The following RASGEF1C variants were observed in gnomAD, a reference collection of about 807,000 sequenced individuals.
RASGEF1C encodes the protein ras-GEF domain-containing family member 1C.
A neutral mutation model predicts 58.1 loss-of-function variants in RASGEF1C; 27 were observed. The ratio of observed to expected loss-of-function variants is 0.46; its 90% CI spans 0.34 to 0.64. RASGEF1C has a LOEUF of 0.64. Among genes scored for constraint, RASGEF1C ranks in the 30% least tolerant of loss-of-function variants. RASGEF1C has a pLI of 0.01. For missense variants in RASGEF1C, 502 were observed against 605.1 expected, an observed-to-expected ratio of 0.83 and a Z score of 1.79; for synonymous variants, 243 against 246.3, an observed-to-expected ratio of 0.99 and a Z score of 0.13.
chr5:180,157,488 A>G (rs1177231048), intron 1 of RASGEF1C, among the ~76,000 whole-genome samples: 2 of 152,036 alleles, frequency 1.3e-5, no homozygotes, highest in African/African-American at 2.4e-5. Flanking sequence ...TTAGCCGGGC[A>G]TGGTGGCGCA....
intron 1 of RASGEF1C, among the ~76,000 whole-genome samples, chr5:180,176,260 C>G (rs537760588): frequency 2.8e-4 from 42 of 152,342 alleles, no homozygotes; most frequent in African/African-American, 9.6e-4. Flanking sequence ...CAGGCCTCCC[C>G]ACTCCTGCAG....
Position 180,177,881 on chromosome 5 carries a change from G to A in RASGEF1C, c.-7+31147C>T, listed in dbSNP as rs1443173997. On this transcript the variant is annotated intron_variant, in intron 1 of 13. Transcript: ENST00000361132. This position sits in a 1 kb window ranked among gnomAD's most constrained non-coding sequence, Gnocchi z 5.0. ...CTGGTGGGGGCTTTCTTGTGAAAGG[G>A]GCCCACATGGAGGAAACGGAGCCAA... Among the ~76,000 whole-genome samples the A allele has an allele frequency of 6.6e-6, 1 of 152,154 alleles. No individual in the cohort carries two copies. Among genetic ancestry groups the A allele is most frequent in the Non-Finnish European group, 1.5e-5 (1 of 68,026 alleles).
At position 180,117,943 on chromosome 5, in the gene RASGEF1C, A is replaced by G. The variant is rs544798218; in HGVS notation, c.1083+666T>C. Among the ~76,000 whole-genome samples, 98 of 150,340 alleles carry G rather than the reference A, an allele frequency of 6.5e-4. 1 individual carries two copies. The highest frequency in any genetic ancestry group is 2.3e-3 in the African/African-American group (93 of 40,760). ...CAGGAGGTGGAGGTTGCAGTGAGCC[A>G]AGATTGCACCACTGCACTCCAGCCT... On this transcript the variant is annotated intron_variant, in intron 10 of 13. Coordinates refer to ENST00000361132, the MANE Select transcript of RASGEF1C (RefSeq NM_175062.4).
intron 6 of RASGEF1C, among the ~76,000 whole-genome samples, chr5:180,122,810 CT>C (rs1449485246): frequency 6.8e-6 from 1 of 146,778 alleles, no homozygotes; most frequent in African/African-American, 2.5e-5. Context: ...GCCAGGGTAA[CT>C]TTCAATAAAT....
chr5:180,189,191 A>G (rs1367541794), intron 1 of RASGEF1C, among the ~76,000 whole-genome samples: 1 of 152,246 alleles, frequency 6.6e-6, no homozygotes, highest in Non-Finnish European at 1.5e-5. Flanking sequence ...CACTATTTAC[A>G]CTACATAAAA....
chr5:180,159,841 A>G (rs777200353), intron 1 of RASGEF1C, among the ~76,000 whole-genome samples: 6 of 152,218 alleles, frequency 3.9e-5, no homozygotes, highest in Non-Finnish European at 8.8e-5. Flanking sequence ...AGGAGGGGCC[A>G]AGTGTTCAGC....
chr5:180,205,915 G>T (rs993353452), intron 1 of RASGEF1C, among the ~76,000 whole-genome samples: 1 of 151,868 alleles, frequency 6.6e-6, no homozygotes, highest in African/African-American at 2.4e-5. Flanking sequence ...TATATATTTT[G>T]GTAGAGACAA....
At chr5:180,136,336 G>C (rs1329229652) in intron 4 of RASGEF1C, 42 bp downstream of exon 4, 4 of 1,531,804 alleles carry the variant, frequency 2.6e-6, no homozygotes, top group South Asian at 1.2e-5. Flanking sequence ...GGCCTGGGAC[G>C]GGAGGGACCC....
chr5:180,169,741 T>C (rs955389980), intron 1 of RASGEF1C, among the ~76,000 whole-genome samples: 1 of 152,092 alleles, frequency 6.6e-6, no homozygotes, highest in African/African-American at 2.4e-5. Context: ...TCACACAACC[T>C]GCCCTGGCCC....
chr5:180,137,234 C>G lies in RASGEF1C; in HGVS notation c.300+356G>C, dbSNP rs1582275641. Among the ~76,000 whole-genome samples, 1 of 152,126 alleles carries G rather than the reference C, an allele frequency of 6.6e-6. No individual in the cohort carries two copies. Among genetic ancestry groups the G allele is most frequent in the African/African-American group, 2.4e-5 (1 of 41,432 alleles). On this transcript the variant is annotated intron_variant, in intron 3 of 13. Transcript: ENST00000361132. This position sits in a 1 kb window ranked among gnomAD's most constrained non-coding sequence, Gnocchi z 4.1. ...ACCGACGCGTGTGCAATAGAGGCAG[C>G]CCGCAGGACCCGGCCAGGACTGGGA... is the stretch of plus-strand genomic sequence containing the variant.
chr5:180,208,640 C>T (rs1017767451), intron 1 of RASGEF1C, among the ~76,000 whole-genome samples: 1 of 152,154 alleles, frequency 6.6e-6, no homozygotes, highest in Non-Finnish European at 1.5e-5. Context: ...ACCGGCAGGT[C>T]TGCTTTCCCG....
chr5:180,113,255 G>A (rs1765996839), intron 11 of RASGEF1C, among the ~76,000 whole-genome samples: 1 of 85,712 alleles, frequency 1.2e-5, no homozygotes, highest in Non-Finnish European at 2.5e-5. Flanking sequence ...GACCGAGGAT[G>A]GACGGAGGGA....
chr5:180,174,296 G>C (rs1364373569), intron 1 of RASGEF1C, among the ~76,000 whole-genome samples: 1 of 152,156 alleles, frequency 6.6e-6, no homozygotes, highest in Non-Finnish European at 1.5e-5. Flanking sequence ...GGAAGATGAA[G>C]TCATCAGTTT....
chr5:180,188,067 G>A (rs1306342338), intron 1 of RASGEF1C, among the ~76,000 whole-genome samples: 1 of 152,124 alleles, frequency 6.6e-6, no homozygotes, highest in Non-Finnish European at 1.5e-5. Context: ...TAGCCAAAAG[G>A]GGGAAACAAC....
At chr5:180,160,903 G>A (rs1766930548) in intron 1 of RASGEF1C, among the ~76,000 whole-genome samples, 1 of 152,216 alleles carries the variant, frequency 6.6e-6, no homozygotes. Flanking sequence ...TGTGTTTACA[G>A]TATAACACAA....
chr5:180,136,977 TG>T (rs1162691006), intron 3 of RASGEF1C, among the ~76,000 whole-genome samples: 6 of 150,722 alleles, frequency 4.0e-5, no homozygotes, highest in Non-Finnish European at 7.4e-5. Flanking sequence ...CCGGAAAGGG[TG>T]GTAGGTGAGC....
intron 1 of RASGEF1C, among the ~76,000 whole-genome samples, chr5:180,194,157 T>C (rs1756221048): frequency 6.6e-6 from 1 of 152,138 alleles, no homozygotes; most frequent in African/African-American, 2.4e-5. Flanking sequence ...CCTCCCTGTG[T>C]GAGCCGGACG....
At chr5:180,157,990 C>CAGCTGTAA (rs1408526227) in intron 1 of RASGEF1C, among the ~76,000 whole-genome samples, 1 of 152,190 alleles carries the variant, frequency 6.6e-6, no homozygotes, top group Non-Finnish European at 1.5e-5. Context: ...GTAGGTGTAT[C>CAGCTGTAA]AGCTGTAACA....
At chr5:180,175,489 C>T (rs925669444) in intron 1 of RASGEF1C, among the ~76,000 whole-genome samples, 2 of 152,158 alleles carry the variant, frequency 1.3e-5, no homozygotes, top group Admixed American at 6.5e-5. Context: ...GCTAAGAGCC[C>T]GGCCTTGGGC....
Sources: allele counts gnomAD v4.1 joint callset (sites outside exome capture counted in the v4.1 genomes callset), GRCh38; gene constraint gnomAD v4.1.1; non-coding constraint Gnocchi (gnomAD v3.1); transcripts MANE v1.5; gene names NCBI Gene and HGNC (gene_info 2026-07-23, HGNC 2026-07-21).